ART3: variants seen among roughly 807,000 people sequenced by gnomAD.
ART3 encodes ADP-ribosyltransferase 3 (inactive).
In ART3, 49 loss-of-function variants were observed where a neutral mutation model predicts 48.5. That is an observed-to-expected ratio of 1.01 (90% CI 0.80 to 1.28). The LOEUF is 1.28. ART3 is among the 50% of genes most tolerant of loss of function. ART3 has a pLI of 0.00. For synonymous variants in ART3, 145 were observed against 157.2 expected, an observed-to-expected ratio of 0.92 and a Z score of 0.58; for missense variants, 438 against 454.3, an observed-to-expected ratio of 0.96 and a Z score of 0.33.
chr4:76,048,549 T>C (rs1735733151), intron 1 of ART3, among the ~76,000 whole-genome samples: 1 of 151,822 alleles, frequency 6.6e-6, no homozygotes, highest in Admixed American at 6.6e-5. Flanking sequence ...CAACGGTCCC[T>C]GGACCCTGCT....
rs981985914 is a variant in ART3 at position 76,048,510 on chromosome 4, T to G, written c.-9-27371T>G. 1.3e-5 allele frequency among the ~76,000 whole-genome samples: 2 copies of G among 151,862 alleles called. 1 individual carries two copies. Among genetic ancestry groups the G allele is most frequent in the Non-Finnish European group, 2.9e-5 (2 of 67,836 alleles). ...CAAAACCACCCGTGGTTTTGGTTTA[T>G]TTTGTTTCTCCCCCTGCCCAAGAAC... On this transcript the variant is annotated intron_variant, in intron 1 of 9. Coordinates refer to the ART3 transcript ENST00000341029.
At chr4:76,100,244 C>G (rs754366721) in intron 5 of ART3, 47 bp from the exon 6 acceptor site, 2 of 1,589,258 alleles carry the variant, frequency 1.3e-6, no homozygotes, top group Admixed American at 3.4e-5. Flanking sequence ...ACTGCCAGTT[C>G]TTTTGTTCCA....
intron 3 of ART3, among the ~76,000 whole-genome samples, chr4:76,093,084 C>G (rs1034681024): frequency 3.9e-5 from 6 of 152,124 alleles, no homozygotes; most frequent in Admixed American, 1.3e-4. Context: ...AGGTTACCTG[C>G]ATTCCTTGGT....
At chr4:76,097,377 A>G (rs1726244546) in intron 3 of ART3, among the ~76,000 whole-genome samples, 1 of 151,672 alleles carries the variant, frequency 6.6e-6, no homozygotes, top group Non-Finnish European at 1.5e-5. Flanking sequence ...GCTAATTTAA[A>G]AAAAAAAATT....
chr4:76,069,609 C>T (rs867328004), intron 1 of ART3, among the ~76,000 whole-genome samples: 6 of 151,812 alleles, frequency 4.0e-5, no homozygotes, highest in Admixed American at 6.6e-5. Flanking sequence ...AGGCCAGTCT[C>T]GAACTCCTGA....
chr4:76,103,844 A>G (rs867432203), intron 8 of ART3, 93 bp from the exon 9 acceptor site: 19 of 876,324 alleles, frequency 2.2e-5, no homozygotes, highest in Middle Eastern at 2.5e-4. Flanking sequence ...TTTTTTTTTG[A>G]AAGTTGGAAA....
At position 76,104,601 on chromosome 4, in the gene ART3, G is replaced by T; in HGVS notation, c.975G>T (p.Met325Ile). 1 of 1,551,584 alleles carries T rather than the reference G, an allele frequency of 6.4e-7. No homozygotes were observed. Among genetic ancestry groups the T allele is most frequent in the South Asian group, 1.2e-5 (1 of 84,044 alleles). Reference sequence around the variant, plus strand: ...GGAAACTTCCTTCTCATTTAGGAATGAAAATTCCAGAACCTTTTCCACTAC... The same window carrying T: ...GGAAACTTCCTTCTCATTTAGGAATTAAAATTCCAGAACCTTTTCCACTAC... ...KILEPTQIPG[M>I]KIPEPFPLPE... is the part of the protein sequence containing the mutation. Residue 325 changes from methionine to isoleucine, a missense_variant, in exon 10 of 12, where the codon ATG (methionine) becomes ATT (isoleucine). Transcript: ENST00000355810.
intron 3 of ART3, among the ~76,000 whole-genome samples, chr4:76,086,551 A>G (rs536617288): frequency 1.1e-4 from 17 of 152,366 alleles, no homozygotes; most frequent in Non-Finnish European, 2.4e-4. Context: ...GTGTAACATG[A>G]GGACTAAAGT....
intron 1 of ART3, among the ~76,000 whole-genome samples, chr4:76,059,362 G>GTTTTTTTTTTTTTTTTT (rs71657397): frequency 2.1e-5 from 3 of 141,068 alleles, no homozygotes; most frequent in African/African-American, 5.2e-5. Context: ...ATTTTCTCTT[G>GTTTTTTTTTTTTTTTTT]TTTTTTTTTC....
At chr4:76,103,256 C>T (rs1160156436) in intron 8 of ART3, among the ~76,000 whole-genome samples, 1 of 151,994 alleles carries the variant, frequency 6.6e-6, no homozygotes, top group East Asian at 1.9e-4. Flanking sequence ...TGGCTCACAC[C>T]TATAATCCCA....
At chr4:76,036,555 T>C (rs978084409) in intron 1 of ART3, among the ~76,000 whole-genome samples, 3 of 152,152 alleles carry the variant, frequency 2.0e-5, no homozygotes, top group Non-Finnish European at 4.4e-5. Flanking sequence ...TTTTTACCTG[T>C]AAATGAGTGC....
chr4:76,090,019 G>A (rs377174783), intron 3 of ART3, among the ~76,000 whole-genome samples: 2 of 152,288 alleles, frequency 1.3e-5, no homozygotes, highest in South Asian at 4.2e-4. Context: ...GGCAGAGGTT[G>A]CAGTGAGCTG....
At chr4:76,072,349 T>G (rs1226842990), upstream of ART3, among the ~76,000 whole-genome samples, 2 of 152,204 alleles carry the variant, frequency 1.3e-5, no homozygotes, top group Non-Finnish European at 2.9e-5. Context: ...AAAAGTCGGA[T>G]TTTTAACAGG....
In ART3 at chr4:76,082,240, T is replaced by C. The variant is rs375187790; in HGVS notation, c.486T>C (p.Tyr162=). 1.6e-5 allele frequency: 26 copies of C among 1,614,174 alleles called. No homozygotes were observed. Among genetic ancestry groups the C allele is most frequent in the Non-Finnish European group, 1.9e-5 (23 of 1,180,030 alleles). ...AGGCCAGTTCCAAAACTGTGGTATATAGAACAAGCCAGGGCACTTCATTTA... is the reference window on the plus strand; with the variant it reads ...AGGCCAGTTCCAAAACTGTGGTATACAGAACAAGCCAGGGCACTTCATTTA... ...PCEASSKTVV[Y]RTSQGTSFTF... Residue 162 remains tyrosine, a synonymous_variant, in exon 3 of 12, where the codon TAT becomes TAC. Transcript: ENST00000355810.
intron 1 of ART3, among the ~76,000 whole-genome samples, chr4:76,059,016 C>G (rs1342807987): frequency 6.6e-6 from 1 of 152,214 alleles, no homozygotes; most frequent in Non-Finnish European, 1.5e-5. Flanking sequence ...ATAGGTTGAA[C>G]AGCTGGCTGT....
chr4:76,109,134 CTT>C (rs1185125962), intron 11 of ART3, among the ~76,000 whole-genome samples: 1 of 151,850 alleles, frequency 6.6e-6, no homozygotes, highest in Non-Finnish European at 1.5e-5. Flanking sequence ...ACTTTATAAA[CTT>C]AATTTTAATC....
intron 1 of ART3, among the ~76,000 whole-genome samples, chr4:76,011,850 C>T (rs1173899773): frequency 2.0e-5 from 3 of 152,284 alleles, no homozygotes; most frequent in Admixed American, 2.0e-4. Context: ...CTGAGAGCAA[C>T]CACATTCTCT....
At chr4:76,018,621 A>C (rs1228334478) in intron 1 of ART3, among the ~76,000 whole-genome samples, 1 of 152,244 alleles carries the variant, frequency 6.6e-6, no homozygotes, top group African/African-American at 2.4e-5. Flanking sequence ...TTCAAGAAGT[A>C]TTAAATACAA....
intron 1 of ART3, among the ~76,000 whole-genome samples, chr4:76,026,543 A>C (rs1482381139): frequency 1.3e-5 from 2 of 152,214 alleles, no homozygotes; most frequent in Non-Finnish European, 2.9e-5. Flanking sequence ...AACCAAGTTT[A>C]ATTTAAGAAG....
Sources: allele counts gnomAD v4.1 joint callset (sites outside exome capture counted in the v4.1 genomes callset), GRCh38; gene constraint gnomAD v4.1.1; transcripts MANE v1.5; gene names NCBI Gene and HGNC (gene_info 2026-07-23, HGNC 2026-07-21).